The following LOXHD1 variants were observed in gnomAD, a reference collection of about 807,000 sequenced individuals.
LOXHD1 encodes lipoxygenase homology domain-containing protein 1.
LOXHD1 carries 205 observed loss-of-function variants against 248.2 expected under a neutral mutation model. The ratio of observed to expected loss-of-function variants is 0.83; its 90% CI spans 0.74 to 0.93. The LOEUF (loss-of-function observed/expected upper bound fraction) is 0.93. Among genes scored for constraint, LOXHD1 ranks in the 40% least tolerant of loss-of-function variants. The pLI is 0.00. For missense variants in LOXHD1, 2,930 were observed against 2,971.6 expected (o/e 0.99, Z 0.33); for synonymous variants, 1,113 against 1,162.8 (o/e 0.96, Z 0.87).
intron 4 of LOXHD1, among the ~76,000 whole-genome samples, chr18:46,636,790 G>A (rs190763243): frequency 6.6e-6 from 1 of 152,318 alleles, no homozygotes; most frequent in East Asian, 1.9e-4. Flanking sequence ...CAAATACCAA[G>A]TTGACGTAAT....
In LOXHD1 at chr18:46,559,516, C is replaced by A. The variant is rs1555679863; in HGVS notation, c.3148G>T (p.Glu1050Ter). ...ANVYLTIYGE[E>*]YGDTGERPLK... ...GGTCGTTCGCCCGTGTCTCCATACT[C>A]CTCGCCGTAGATGGTTAGGTAGACG... is the stretch of plus-strand genomic sequence containing the variant. Residue 1050 changes from glutamate to a stop codon, truncating the protein, a stop_gained, in exon 20 of 41, where the codon GAG becomes TAG. Transcript: ENST00000642948. LOFTEE classifies it high-confidence loss of function. 1.3e-6 allele frequency: 2 copies of A among 1,552,084 alleles called. No individual in the cohort carries two copies. The highest frequency in any genetic ancestry group is 1.4e-5 in the African/African-American group (1 of 73,166).
At chr18:46,628,397 C>G (rs959648615) in intron 4 of LOXHD1, among the ~76,000 whole-genome samples, 1 of 152,198 alleles carries the variant, frequency 6.6e-6, no homozygotes, top group African/African-American at 2.4e-5. Context: ...TCCTTGCCCC[C>G]ACCTGGGAAT....
Position 46,492,490 on chromosome 18 carries a change from G to A in LOXHD1, c.5879-3348C>T, listed in dbSNP as rs371726895. Among the ~76,000 whole-genome samples, 8 of 152,270 alleles carry A rather than the reference G, an allele frequency of 5.3e-5. No individual in the cohort carries two copies. The South Asian group carries it at 6.2e-4, about 12-fold the overall frequency. On this transcript the variant is annotated intron_variant, in intron 37 of 40. Transcript: ENST00000642948. ...AAACCATCAGATCTTGTGAGAACTC[G>A]CTCACTATCACAAGAACAGCATGGG...
At chr18:46,636,976 T>A (rs2038900627) in intron 4 of LOXHD1, among the ~76,000 whole-genome samples, 1 of 151,954 alleles carries the variant, frequency 6.6e-6, no homozygotes. Flanking sequence ...AGAAACTCCA[T>A]CTCCACTGAA....
chr18:46,609,476 T>C (rs78055833), intron 6 of LOXHD1, among the ~76,000 whole-genome samples: 1 of 152,248 alleles, frequency 6.6e-6, no homozygotes, highest in South Asian at 2.1e-4. Context: ...ACAGTCAAGT[T>C]GTTATAAATC....
At chr18:46,489,559 C>T (rs2143634755) in intron 37 of LOXHD1, among the ~76,000 whole-genome samples, 1 of 152,324 alleles carries the variant, frequency 6.6e-6, no homozygotes, top group Admixed American at 6.5e-5. Context: ...CACTTCCTGA[C>T]ACCAGTATTT....
rs139754691 is a variant in LOXHD1 at position 46,513,924 on chromosome 18, G to A, written c.5400-4109C>T. 3.3e-3 allele frequency among the ~76,000 whole-genome samples: 499 copies of A among 152,284 alleles called. 2 individuals carry two copies. Among genetic ancestry groups the A allele is most frequent in the African/African-American group, 0.012 (487 of 41,552 alleles). ...CAAGCCTGGGGCTGGTGAGCAGCAG[G>A]GAGTTGGCTTCAGTGATGATGTAAG... On this transcript the variant is annotated intron_variant, in intron 34 of 40. Transcript: ENST00000642948.
In LOXHD1 at chr18:46,477,633, G is replaced by A. The variant is rs1487424468; in HGVS notation, c.6661C>T (p.Leu2221=). The change falls in exon 41 of 41, where the codon CTG becomes TTG. Residue 2221 remains leucine (L), a synonymous_variant. Coordinates refer to ENST00000642948, the MANE Select transcript of LOXHD1 (RefSeq NM_001384474.1). ...LELGELRKVR[L]EHDSSGYCSG... Reference sequence around the variant, plus strand: ...CAGTAGCCACTGCTGTCGTGCTCCAGGCGCACCTTGCGCAGCTCACCCAGC... The same window carrying A: ...CAGTAGCCACTGCTGTCGTGCTCCAAGCGCACCTTGCGCAGCTCACCCAGC... The A allele has an allele frequency of 6.4e-7, 1 of 1,551,768 alleles. No individual in the cohort carries two copies. Among genetic ancestry groups the A allele is most frequent in the Non-Finnish European group, 8.7e-7 (1 of 1,147,020 alleles).
chr18:46,614,424 G>A (rs1164001642), intron 5 of LOXHD1, among the ~76,000 whole-genome samples: 1 of 151,838 alleles, frequency 6.6e-6, no homozygotes, highest in African/African-American at 2.4e-5. Context: ...TTTTACGGAC[G>A]TGGATGAAGC....
At chr18:46,538,368 A>G (rs544071545) in intron 25 of LOXHD1, 31 bp from the exon 26 acceptor site, 9 of 1,530,084 alleles carry the variant, frequency 5.9e-6, no homozygotes, top group Non-Finnish European at 8.0e-6. Flanking sequence ...GCAAAGCCAG[A>G]GTGGATGAGA....
chr18:46,543,400 T>C (rs2036650424), intron 23 of LOXHD1, among the ~76,000 whole-genome samples: 1 of 152,184 alleles, frequency 6.6e-6, no homozygotes, highest in Non-Finnish European at 1.5e-5. Context: ...ATACACCATA[T>C]TTTCTTTTTA....
intron 1 of LOXHD1, among the ~76,000 whole-genome samples, chr18:46,653,876 C>T (rs114867381): frequency 0.024 from 3,633 of 152,266 alleles, 145 homozygotes; most frequent in African/African-American, 0.083. Context: ...ACTCATTGAC[C>T]TAGAAGTTAC....
At position 46,484,220 on chromosome 18, in the gene LOXHD1, G is replaced by C. The variant is rs79828514; in HGVS notation, c.6183-475C>G. 8.6e-3 allele frequency among the ~76,000 whole-genome samples: 1,316 copies of C among 152,186 alleles called. 19 individuals carry two copies. The highest frequency in any genetic ancestry group is 0.03 in the African/African-American group (1,231 of 41,508). On this transcript the variant is annotated intron_variant, in intron 39 of 40. Coordinates refer to ENST00000642948, the MANE Select transcript of LOXHD1 (RefSeq NM_001384474.1). ...CCTGTGGGGGTAAGTGCCAGTCTAA[G>C]GTGTCCAGACTTCATCCTGAGGTAG...
chr18:46,492,212 G>A (rs1333837726), intron 37 of LOXHD1, among the ~76,000 whole-genome samples: 5 of 152,230 alleles, frequency 3.3e-5, no homozygotes, highest in Admixed American at 2.0e-4. Context: ...GGTACAGCAT[G>A]GCTAACTGAG....
chr18:46,601,267 A>C lies in LOXHD1; in HGVS notation c.1084T>G (p.Ser362Ala). 1 of 1,551,736 alleles carries C rather than the reference A, an allele frequency of 6.4e-7. No homozygotes were observed. The highest frequency in any genetic ancestry group is 8.7e-7 in the Non-Finnish European group (1 of 1,147,000). ...AVLLSPLSRV[S>A]VGHGNVGVNR... ...ACACCCACATTGCCATGCCCGACGG[A>C]GACCCGACTCAGGGGGCTAAGGAGG... Residue 362 changes from serine to alanine, a missense_variant, in exon 8 of 41, where the codon TCC becomes GCC. Coordinates refer to ENST00000642948, the MANE Select transcript of LOXHD1 (RefSeq NM_001384474.1).
In LOXHD1 at chr18:46,631,611, G is replaced by A. The variant is rs551413557; in HGVS notation, c.511+8005C>T. ...AGGAGGATGAAAGAGAGGAAGTGAG[G>A]GGCGAGGGGCCTTGACATTTCCTCT... On this transcript the variant is annotated intron_variant, in intron 4 of 40. Transcript: ENST00000642948. Among the ~76,000 whole-genome samples, 26 of 152,222 alleles carry A rather than the reference G, an allele frequency of 1.7e-4. No individual in the cohort carries two copies. The East Asian group carries it at 4.4e-3, about 26-fold the overall frequency.
intron 39 of LOXHD1, 36 bp downstream of exon 39, chr18:46,484,983 A>G: frequency 8.3e-7 from 1 of 1,210,878 alleles, no homozygotes. Context: ...TTACCTACCC[A>G]CCCCCCACCA....
Position 46,560,371 on chromosome 18 carries a change from G to A in LOXHD1, c.2773C>T (p.Gln925Ter), listed in dbSNP as rs2037495535. The A allele has an allele frequency of 3.2e-6, 5 of 1,552,622 alleles. No individual in the cohort carries two copies. Among genetic ancestry groups the A allele is most frequent in the African/African-American group, 1.4e-5 (1 of 73,256 alleles). Residue 925 changes from glutamine to a stop codon, truncating the protein, a stop_gained, in exon 19 of 41, where the codon CAG (glutamine) becomes TAG (stop). Transcript: ENST00000642948. LOFTEE classifies it high-confidence loss of function. ...RKKKEKDKLR[Q>*]LLKKERLKAK... ...TTCAGCCGCTCCTTCTTGAGCAGCTGCCGCAGCTTGTCCTTCTCCTTCTTC... is the reference window on the plus strand; with the variant it reads ...TTCAGCCGCTCCTTCTTGAGCAGCTACCGCAGCTTGTCCTTCTCCTTCTTC...
intron 15 of LOXHD1, among the ~76,000 whole-genome samples, chr18:46,571,130 C>G (rs1251728912): frequency 6.6e-6 from 1 of 152,170 alleles, no homozygotes; most frequent in Non-Finnish European, 1.5e-5. Flanking sequence ...ATGGGACACT[C>G]TAGTTCAAAG....
Sources: gnomAD v4.1 joint callset for allele counts (sites outside exome capture counted in the v4.1 genomes callset) on GRCh38, gnomAD v4.1.1 for gene constraint, MANE v1.5 for transcripts, NCBI Gene and HGNC (gene_info 2026-07-23, HGNC 2026-07-21) for gene names.